The following NTNG1 variants were observed in gnomAD, a reference collection of about 807,000 sequenced individuals.
NTNG1 encodes the protein netrin G1, also known as netrin-G1.
In NTNG1, 16 loss-of-function variants were observed where a neutral mutation model predicts 54.0. The ratio of observed to expected loss-of-function variants is 0.30; its 90% CI spans 0.20 to 0.45. The LOEUF (loss-of-function observed/expected upper bound fraction) is 0.45. NTNG1 is among the 20% of genes least tolerant of loss of function. The pLI is 1.00. For missense variants in NTNG1, 530 were observed against 678.7 expected (o/e 0.78, Z 2.43); for synonymous variants, 255 against 263.1 (o/e 0.97, Z 0.30).
In NTNG1 at chr1:107,324,742, G is replaced by C; in HGVS notation, c.707G>C (p.Arg236Pro). The C allele has an allele frequency of 1.9e-6, 3 of 1,613,544 alleles. No individual in the cohort carries two copies. The highest frequency in any genetic ancestry group is 2.5e-6 in the Non-Finnish European group (3 of 1,179,776). The part of the protein sequence containing the change: ...KDRFAFFAGP[R>P]LRNMASLYGQ... ...AGGTTCGCGTTTTTTGCTGGACCTCGCCTACGCAATATGGCTTCCCTCTAC... is the reference window on the plus strand; with the variant it reads ...AGGTTCGCGTTTTTTGCTGGACCTCCCCTACGCAATATGGCTTCCCTCTAC... Residue 236 changes from arginine to proline, a missense_variant, in exon 3 of 8, where the codon CGC becomes CCC. By Grantham distance (103) the Arg-to-Pro change is moderately radical. Transcript: ENST00000370068.
At chr1:107,348,581 C>T (rs554273910) in intron 3 of NTNG1, among the ~76,000 whole-genome samples, 3 of 152,328 alleles carry the variant, frequency 2.0e-5, no homozygotes, top group South Asian at 2.1e-4. Context: ...GACCTCCCTC[C>T]CACCTCCAAA....
chr1:107,326,155 C>T (rs1667939844), intron 3 of NTNG1, among the ~76,000 whole-genome samples: 1 of 152,092 alleles, frequency 6.6e-6, no homozygotes, highest in African/African-American at 2.4e-5. Flanking sequence ...GTTTCAGAGT[C>T]TTAGCTGTGG....
At chr1:107,323,278 C>G (rs1251011424) in intron 2 of NTNG1, among the ~76,000 whole-genome samples, 1 of 151,984 alleles carries the variant, frequency 6.6e-6, no homozygotes, top group Non-Finnish European at 1.5e-5. Flanking sequence ...TTCTTAAAAA[C>G]AAAATCAACA....
chr1:107,255,701 G>T (rs1331566615), intron 2 of NTNG1, among the ~76,000 whole-genome samples: 2 of 152,112 alleles, frequency 1.3e-5, no homozygotes, highest in African/African-American at 4.8e-5. Flanking sequence ...AGACAGTGGG[G>T]CTGAGACTAT....
chr1:107,150,318 T>G (rs1180114365), intron 2 of NTNG1, among the ~76,000 whole-genome samples: 1 of 152,124 alleles, frequency 6.6e-6, no homozygotes, highest in Non-Finnish European at 1.5e-5. Context: ...AATAAATCAG[T>G]ACAGGAGCAG....
At position 107,315,564 on chromosome 1, in the gene NTNG1, C is replaced by T. The variant is rs538631315; in HGVS notation, c.247-8718C>T. Among the ~76,000 whole-genome samples, 37 of 152,178 alleles carry T rather than the reference C, an allele frequency of 2.4e-4. No individual in the cohort carries two copies. The South Asian group carries it at 7.3e-3, about 30-fold the overall frequency. On this transcript the variant is annotated intron_variant, in intron 2 of 7. Transcript: ENST00000370068. ...AGGAACAATCACTTTGTATCAGTTC[C>T]GTGAAACCCCAAGTTCTACCTCAAC... is the stretch of plus-strand genomic sequence containing the variant.
chr1:107,159,425 C>G (rs1655249894), intron 2 of NTNG1, among the ~76,000 whole-genome samples: 1 of 152,078 alleles, frequency 6.6e-6, no homozygotes, highest in South Asian at 2.1e-4. Context: ...ACAGATAATA[C>G]TTGTAGCTGA....
At chr1:107,203,026 T>A (rs1658877211) in intron 2 of NTNG1, among the ~76,000 whole-genome samples, 1 of 151,958 alleles carries the variant, frequency 6.6e-6, no homozygotes, top group African/African-American at 2.4e-5. Context: ...TATCCACACT[T>A]TTTAAATGAA....
Position 107,324,586 on chromosome 1 carries a change from A to G in NTNG1, c.551A>G (p.Asp184Gly). The G allele has an allele frequency of 6.2e-7, 1 of 1,613,720 alleles. No homozygotes were observed. Among genetic ancestry groups the G allele is most frequent in the Non-Finnish European group, 8.5e-7 (1 of 1,179,842 alleles). The part of the protein sequence containing the change: ...PYQYYATDCL[D>G]AFHMDPKSVK... Reference sequence around the variant, plus strand: ...CAGTATTATGCCACAGACTGCTTAGATGCTTTTCACATGGATCCTAAATCC... The same window carrying G: ...CAGTATTATGCCACAGACTGCTTAGGTGCTTTTCACATGGATCCTAAATCC... The change falls in exon 3 of 8, where the codon GAT (aspartate) becomes GGT (glycine). Residue 184 changes from aspartate (D) to glycine (G), a missense_variant. Physicochemically the swap from Asp to Gly is moderately conservative, Grantham distance 94 (BLOSUM62 -1). Coordinates refer to ENST00000370068, the MANE Select transcript of NTNG1 (RefSeq NM_001113226.3).
Position 107,436,818 on chromosome 1 carries a change from T to C in NTNG1, c.1390+19T>C, listed in dbSNP as rs1675627186. The C allele has an allele frequency of 1.2e-6, 2 of 1,611,672 alleles. No homozygotes were observed. Among genetic ancestry groups the C allele is most frequent in the Non-Finnish European group, 1.7e-6 (2 of 1,178,506 alleles). ...TGTCAACGTAAGTAACTCTGGGAGC[T>C]GCCCTCTGCCTGCTGCAGCATGGCT... On this transcript the variant is annotated intron_variant, in intron 7 of 7. Coordinates refer to ENST00000370068, the MANE Select transcript of NTNG1 (RefSeq NM_001113226.3).
chr1:107,185,769 A>T (rs1657411804), intron 2 of NTNG1, among the ~76,000 whole-genome samples: 1 of 152,142 alleles, frequency 6.6e-6, no homozygotes, highest in Admixed American at 6.6e-5. Context: ...GACAGCTAGG[A>T]TCACATTGTG....
chr1:107,204,806 AT>A (rs1319606335), intron 2 of NTNG1, among the ~76,000 whole-genome samples: 2 of 152,072 alleles, frequency 1.3e-5, no homozygotes, highest in African/African-American at 4.8e-5. Context: ...CACCCCTGCA[AT>A]CTCTGTACAT....
intron 7 of NTNG1, among the ~76,000 whole-genome samples, chr1:107,464,346 A>G (rs1677467571): frequency 6.6e-6 from 1 of 152,202 alleles, no homozygotes; most frequent in Admixed American, 6.5e-5. Context: ...ATTAAGCAGG[A>G]CAGAGACCAG....
intron 3 of NTNG1, among the ~76,000 whole-genome samples, chr1:107,369,739 G>C (rs145402792): frequency 1.3e-5 from 2 of 152,168 alleles, no homozygotes; most frequent in East Asian, 3.9e-4. Context: ...CTTTTGAAGA[G>C]TAGAAGTTGA....
intron 1 of NTNG1, chr1:107,143,468 T>C (rs2100995528): frequency 6.6e-6 from 1 of 152,270 alleles, no homozygotes; most frequent in African/African-American, 2.4e-5. Context: ...ATAGGATTTC[T>C]AAGTGTCATA....
rs543037284 is a variant in NTNG1 at position 107,419,958 on chromosome 1, C to T, written c.1088-10792C>T. On this transcript the variant is annotated intron_variant, in intron 5 of 7. Transcript: ENST00000370068. ...GAAGAAATACAGATCAAGCTTGCCC[C>T]TATTAGTATAATTCTAGGAGGATTC... Among the ~76,000 whole-genome samples the T allele has an allele frequency of 6.8e-4, 103 of 152,152 alleles. 1 individual carries two copies. Among genetic ancestry groups the T allele is most frequent in the African/African-American group, 2.3e-3 (95 of 41,542 alleles).
intron 3 of NTNG1, among the ~76,000 whole-genome samples, chr1:107,382,157 G>T (rs1255246642): frequency 6.6e-6 from 1 of 152,148 alleles, no homozygotes; most frequent in Non-Finnish European, 1.5e-5. Context: ...GGTCCCAAAG[G>T]GTTGTTATCA....
chr1:107,327,916 G>C (rs1297461731), intron 3 of NTNG1, among the ~76,000 whole-genome samples: 2 of 152,030 alleles, frequency 1.3e-5, no homozygotes, highest in Non-Finnish European at 2.9e-5. Flanking sequence ...TTTTATACTG[G>C]CTAGTGTTTT....
chr1:107,389,936 C>T (rs980382630), intron 3 of NTNG1, among the ~76,000 whole-genome samples: 3 of 152,108 alleles, frequency 2.0e-5, no homozygotes, highest in South Asian at 2.1e-4. Context: ...ACAAGTGGGA[C>T]GTCACAGAAG....
Sources: allele counts gnomAD v4.1 joint callset (sites outside exome capture counted in the v4.1 genomes callset), GRCh38; gene constraint gnomAD v4.1.1; transcripts MANE v1.5; gene names NCBI Gene and HGNC (gene_info 2026-07-23, HGNC 2026-07-21).